FAM177A1: variants seen among roughly 807,000 people sequenced by gnomAD.
FAM177A1 encodes protein FAM177A1.
Under a neutral mutation model 26.1 loss-of-function variants are expected in FAM177A1, and 22 were observed. The ratio of observed to expected loss-of-function variants is 0.84; its 90% CI spans 0.60 to 1.20. The LOEUF (loss-of-function observed/expected upper bound fraction) is 1.20, where lower values mean the gene tolerates loss of function less well. Ranked by LOEUF, FAM177A1 falls within the 50% of genes most tolerant of loss-of-function variation. FAM177A1 has a pLI of 0.00. For missense variants in FAM177A1, 296 were observed against 291.1 expected (o/e 1.02, Z -0.12); for synonymous variants, 95 against 99.3 (o/e 0.96, Z 0.26).
chr14:35,046,702 A>T, intron 1 of FAM177A1, 74 bp downstream of exon 1: 1 of 1,464,622 alleles, frequency 6.8e-7, no homozygotes, highest in Non-Finnish European at 9.1e-7. Context: ...CCGCTCTTTT[A>T]GCCTGCGCGG....
chr14:35,064,411 A>G (rs1238092409), intron 2 of FAM177A1, among the ~76,000 whole-genome samples: 1 of 152,024 alleles, frequency 6.6e-6, no homozygotes, highest in Non-Finnish European at 1.5e-5. Context: ...AAAAAAGTAC[A>G]ATGATTTTTT....
intron 2 of FAM177A1, among the ~76,000 whole-genome samples, chr14:35,076,181 T>G (rs1025071799): frequency 1.3e-5 from 2 of 152,120 alleles, no homozygotes; most frequent in Non-Finnish European, 2.9e-5. Context: ...AGCAAAGACT[T>G]GGAACCAACC....
chr14:35,076,466 T>G (rs1216545190), intron 2 of FAM177A1, among the ~76,000 whole-genome samples: 3 of 151,814 alleles, frequency 2.0e-5, no homozygotes, highest in African/African-American at 7.3e-5. Flanking sequence ...CGGGGAGGGA[T>G]AGCATTAGGA....
At chr14:35,046,657 G>A (rs961755213) in intron 1 of FAM177A1, 29 bp downstream of exon 1, 4 of 1,513,258 alleles carry the variant, frequency 2.6e-6, no homozygotes, top group East Asian at 2.6e-5. Context: ...GCTGACGTCC[G>A]GGGAGCCGAG....
intron 3 of FAM177A1, 79 bp downstream of exon 3, chr14:35,077,295 C>G (rs2045411397): frequency 1.5e-6 from 2 of 1,301,888 alleles, no homozygotes; most frequent in African/African-American, 2.9e-5. Flanking sequence ...TAGGATGTTT[C>G]CAAACTGAAG....
intron 2 of FAM177A1, among the ~76,000 whole-genome samples, chr14:35,058,887 G>GA (rs914769986): frequency 2.7e-4 from 40 of 150,360 alleles, no homozygotes; most frequent in Non-Finnish European, 4.3e-4. Context: ...GAAAAAAAAG[G>GA]AAAAAAAAAG....
intron 1 of FAM177A1, among the ~76,000 whole-genome samples, chr14:35,051,052 A>T (rs1474566279): frequency 6.6e-6 from 1 of 152,122 alleles, no homozygotes; most frequent in Non-Finnish European, 1.5e-5. Context: ...GGCTAGAAAG[A>T]ATTGTGACTT....
At chr14:35,080,963 C>CTA in intron 4 of FAM177A1, 59 bp from the exon 5 acceptor site, 2 of 1,434,752 alleles carry the variant, frequency 1.4e-6, no homozygotes, top group South Asian at 1.4e-5. Flanking sequence ...GAAAACAGCA[C>CTA]TATATACCTT....
At chr14:35,061,026 C>A (rs2045144451) in intron 2 of FAM177A1, among the ~76,000 whole-genome samples, 1 of 152,006 alleles carries the variant, frequency 6.6e-6, no homozygotes, top group South Asian at 2.1e-4. Flanking sequence ...TTGTTAATCT[C>A]TTATTGTGAC....
intron 1 of FAM177A1, among the ~76,000 whole-genome samples, chr14:35,047,610 G>C (rs1007553982): frequency 6.6e-6 from 1 of 152,162 alleles, no homozygotes; most frequent in Non-Finnish European, 1.5e-5. Flanking sequence ...TTAGCTGGGC[G>C]TGGTGGCGCT....
intron 2 of FAM177A1, among the ~76,000 whole-genome samples, chr14:35,059,399 A>G (rs2045114530): frequency 6.6e-6 from 1 of 151,180 alleles, no homozygotes; most frequent in Non-Finnish European, 1.5e-5. Flanking sequence ...ATCCATTCAT[A>G]TTTTATGTTG....
chr14:35,082,726 T>G lies in FAM177A1; in HGVS notation c.*1498T>G, dbSNP rs1050515468. ...GAAATTAATAGTTATATTAATAGCC[T>G]TCTAAACAGCATTAAGTTTTCAATT... On this transcript the variant is annotated 3_prime_UTR_variant, in exon 5 of 5. Coordinates refer to ENST00000280987, the MANE Select transcript of FAM177A1 (RefSeq NM_173607.5). 1 of 152,174 alleles carries G rather than the reference T, an allele frequency of 6.6e-6. No individual in the cohort carries two copies. The highest frequency in any genetic ancestry group is 1.5e-5 in the Non-Finnish European group (1 of 68,028). The allele number at this position is 152,174 out of a possible 1,614,324, so 9.4% of individuals were successfully genotyped here.
intron 2 of FAM177A1, among the ~76,000 whole-genome samples, chr14:35,065,825 G>C (rs1489589316): frequency 6.6e-6 from 1 of 151,284 alleles, no homozygotes; most frequent in Non-Finnish European, 1.5e-5. Context: ...CCGAGTAGCT[G>C]GGATTACAGG....
intron 2 of FAM177A1, among the ~76,000 whole-genome samples, chr14:35,066,803 CT>C (rs35581352): frequency 2.7e-5 from 4 of 148,440 alleles, no homozygotes; most frequent in South Asian, 4.3e-4. Context: ...AATCTTGAAT[CT>C]TTTTTTTTTG....
rs192374939 is a variant in FAM177A1 at position 35,046,793 on chromosome 14, G to A, written c.165+165G>A. On this transcript the variant is annotated intron_variant, in intron 1 of 4. Coordinates refer to ENST00000280987, the MANE Select transcript of FAM177A1 (RefSeq NM_173607.5). Reference sequence around the variant, plus strand: ...TTCTGCTCACTGAGACCAGCTTGTGGGAAGGAGCGCCCCCCGCCTCACTCA... The same window carrying A: ...TTCTGCTCACTGAGACCAGCTTGTGAGAAGGAGCGCCCCCCGCCTCACTCA... 9.4e-6 allele frequency: 13 copies of A among 1,381,628 alleles called. No individual in the cohort carries two copies. The East Asian group carries it at 3.5e-4, about 37-fold the overall frequency. 85.6% of individuals were successfully genotyped at this position (1,381,628 alleles called of 1,614,324 possible). A position where few individuals can be genotyped will look rare whatever the true frequency, so the allele number is the denominator to read the frequency against.
chr14:35,051,448 T>A (rs2044969642), intron 1 of FAM177A1, among the ~76,000 whole-genome samples: 1 of 152,186 alleles, frequency 6.6e-6, no homozygotes, highest in Non-Finnish European at 1.5e-5. Flanking sequence ...AGTCTGGCTC[T>A]GTTGCCCAGG....
At chr14:35,079,867 T>C (rs61989492) in intron 4 of FAM177A1, among the ~76,000 whole-genome samples, 2,188 of 152,256 alleles carry the variant, frequency 0.014, 29 homozygotes, top group Non-Finnish European at 0.023. Context: ...TATAATAGTT[T>C]ATTGTCACTG....
chr14:35,055,649 C>T (rs2045050214), intron 2 of FAM177A1, among the ~76,000 whole-genome samples: 1 of 151,976 alleles, frequency 6.6e-6, no homozygotes, highest in Non-Finnish European at 1.5e-5. Flanking sequence ...GTTGGTTAAG[C>T]TGGTCTCGAG....
intron 1 of FAM177A1, 107 bp from the exon 2 acceptor site, chr14:35,053,171 A>C (rs1306192859): frequency 9.7e-7 from 1 of 1,028,490 alleles, no homozygotes; most frequent in Non-Finnish European, 1.4e-6. Flanking sequence ...AAAACTGCTT[A>C]AAGATTTATT....
Sources: allele counts gnomAD v4.1 joint callset (sites outside exome capture counted in the v4.1 genomes callset), GRCh38; gene constraint gnomAD v4.1.1; transcripts MANE v1.5; gene names NCBI Gene and HGNC (gene_info 2026-07-23, HGNC 2026-07-21).